The following HOXB3 variants were observed in gnomAD, a reference collection of about 807,000 sequenced individuals.
HOXB3 encodes the protein homeobox B3, also known as homeobox protein Hox-B3.
A neutral mutation model predicts 29.2 loss-of-function variants in HOXB3; 17 were observed. The observed-to-expected ratio is 0.58, with a 90% CI of 0.40 to 0.87. The LOEUF is 0.87. Among genes scored for constraint, HOXB3 ranks in the 40% least tolerant of loss-of-function variants. HOXB3 has a pLI of 0.00. For synonymous variants in HOXB3, 317 were observed against 285.9 expected (o/e 1.11, Z -1.10); for missense variants, 637 against 616.3 (o/e 1.03, Z -0.35).
chr17:48,566,516 G>A (rs1208773724), intron 2 of HOXB3, among the ~76,000 whole-genome samples: 3 of 152,000 alleles, frequency 2.0e-5, no homozygotes, highest in African/African-American at 4.8e-5. Flanking sequence ...CACGTCACAG[G>A]CAAAGGTAGC....
chr17:48,551,291 G>A, intron 4 of HOXB3, 110 bp from the exon 5 acceptor site: 2 of 1,189,642 alleles, frequency 1.7e-6, no homozygotes, highest in Non-Finnish European at 1.1e-6. Flanking sequence ...CCTGGACTCA[G>A]AGCCCCCGCC....
At chr17:48,570,191 T>A (rs1032451077) in intron 2 of HOXB3, among the ~76,000 whole-genome samples, 2 of 152,190 alleles carry the variant, frequency 1.3e-5, no homozygotes, top group South Asian at 4.1e-4. Flanking sequence ...GGGAAAAAGA[T>A]GGGGGATGGC....
At position 48,573,927 on chromosome 17, in the gene HOXB3, C is replaced by A. The variant is rs1310482402; in HGVS notation, c.-337G>T. On this transcript the variant is annotated 5_prime_UTR_variant, in exon 2 of 5. Transcript: ENST00000498678. ...CAAACTGAGAGAAAAAAGTTTTCAA[C>A]TTTATGGTTCCAAATTTTTTCCCCC... 1.4e-6 allele frequency: 1 copy of A among 696,542 alleles called. No homozygotes were observed. The highest frequency in any genetic ancestry group is 2.1e-5 in the Admixed American group (1 of 48,436). 43.1% of individuals were successfully genotyped at this position (696,542 alleles called of 1,614,324 possible).
intron 2 of HOXB3, chr17:48,560,438 C>T (rs1305767557): frequency 2.0e-5 from 3 of 151,818 alleles, no homozygotes; most frequent in Admixed American, 2.0e-4. Context: ...TGGGGCTAGG[C>T]TTTAGGAAGT....
At chr17:48,557,110 G>T (rs1224829950) in intron 2 of HOXB3, among the ~76,000 whole-genome samples, 1 of 152,212 alleles carries the variant, frequency 6.6e-6, no homozygotes, top group East Asian at 1.9e-4. Context: ...ATTCCGGGAG[G>T]AAGGAAAAGA....
intron 2 of HOXB3, among the ~76,000 whole-genome samples, chr17:48,565,286 G>A (rs1013727075): frequency 4.6e-5 from 7 of 152,256 alleles, no homozygotes; most frequent in Middle Eastern, 6.8e-3. Flanking sequence ...CCATTCCCTG[G>A]CACTTCAGCT....
chr17:48,578,033 G>A, intron 1 of HOXB3: 3 of 1,246,598 alleles, frequency 2.4e-6, no homozygotes, highest in South Asian at 7.7e-5. Context: ...GGCGGGTGGC[G>A]GCGCAGGAGC....
At chr17:48,567,694 C>CA (rs2144837090) in intron 2 of HOXB3, among the ~76,000 whole-genome samples, 1 of 152,336 alleles carries the variant, frequency 6.6e-6, no homozygotes, top group Admixed American at 6.5e-5. Flanking sequence ...CAACATCCTC[C>CA]AACACTCCCA....
chr17:48,576,207 G>C (rs1382354596), intron 1 of HOXB3: 3 of 153,336 alleles, frequency 2.0e-5, no homozygotes, highest in Admixed American at 1.3e-4. Flanking sequence ...AGGAAATCCA[G>C]GCTGTCTTCC....
At position 48,578,045 on chromosome 17, in the gene HOXB3, C is replaced by G. The variant is rs1254723779; in HGVS notation, c.-424-4031G>C. 34 of 927,172 alleles carry G rather than the reference C, an allele frequency of 3.7e-5. No homozygotes were observed. In the East Asian group the frequency reaches 3.0e-3, roughly 81 times the overall value. The allele number at this position is 927,172 out of a possible 1,614,324, so 57.4% of individuals were successfully genotyped here. A position where few individuals can be genotyped will look rare whatever the true frequency, so the allele number is the denominator to read the frequency against. ...CCCGGCGGGTGGCGGCGCAGGAGCC[C>G]GAGGGGACAGACCGGGCGGTGGCGG... On this transcript the variant is annotated intron_variant, in intron 1 of 4. Transcript: ENST00000498678.
chr17:48,577,110 C>T, intron 1 of HOXB3: 1 of 1,248,962 alleles, frequency 8.0e-7, no homozygotes, highest in South Asian at 1.5e-5. Flanking sequence ...GCGTTTCCCT[C>T]CCTCCCTCTC....
chr17:48,565,668 T>A (rs1246092775), intron 2 of HOXB3, among the ~76,000 whole-genome samples: 2 of 152,248 alleles, frequency 1.3e-5, no homozygotes, highest in Admixed American at 6.5e-5. Flanking sequence ...TTCCCTTTCC[T>A]CTGTGGGGGA....
intron 2 of HOXB3, 63 bp from the exon 3 acceptor site, chr17:48,555,681 C>T (rs919476044): frequency 9.2e-5 from 64 of 694,080 alleles, no homozygotes; most frequent in Non-Finnish European, 1.6e-4. Context: ...CCCCCCGCCC[C>T]CGCCCCGCAA....
chr17:48,580,642 G>A (rs981033838), intron 1 of HOXB3: 5 of 152,220 alleles, frequency 3.3e-5, no homozygotes, highest in Admixed American at 1.3e-4. Context: ...GAAGGGCAAT[G>A]AGGAACCATA....
At chr17:48,587,246 C>T (rs2740752) in intron 1 of HOXB3, among the ~76,000 whole-genome samples, 123,562 of 152,056 alleles carry the variant, frequency 0.81, 50,624 homozygotes, top group Non-Finnish European at 0.86. Context: ...CAAACAGCTC[C>T]GTTTCCAGGC....
chr17:48,576,639 G>A (rs2053447509), intron 1 of HOXB3: 2 of 1,147,406 alleles, frequency 1.7e-6, no homozygotes, highest in African/African-American at 3.3e-5. Context: ...AGGCCCCAGG[G>A]CCCCCTCCTG....
intron 1 of HOXB3, among the ~76,000 whole-genome samples, chr17:48,577,619 G>A (rs1271162447): frequency 6.6e-6 from 1 of 152,228 alleles, no homozygotes. Context: ...AAAGTCGCTG[G>A]TGAGAATGGT....
chr17:48,550,811 G>A lies in HOXB3; in HGVS notation c.819C>T (p.Ala273=), dbSNP rs149347321. 66 of 1,613,380 alleles carry A rather than the reference G, an allele frequency of 4.1e-5. 1 individual carries two copies. The African/African-American group carries it at 8.3e-4, about 20-fold the overall frequency. The stretch of plus-strand genomic sequence containing the variant: ...TGGAGTGTAAGGCGTTCATGAAGCC[G>A]GCCGTGGACTGCATGGGCTGCGGGG... ...GSPPQPMQST[A]GFMNALHSMT... The change falls in exon 5 of 5, where the codon GCC becomes GCT. Residue 273 remains alanine (A), a synonymous_variant. Transcript: ENST00000498678.
At chr17:48,553,826 T>C (rs1260346959) in intron 3 of HOXB3, 2 of 152,190 alleles carry the variant, frequency 1.3e-5, no homozygotes, top group African/African-American at 4.8e-5. Flanking sequence ...TTTCCCTCCA[T>C]CTCTCCCAAC....
Sources: allele counts gnomAD v4.1 joint callset (sites outside exome capture counted in the v4.1 genomes callset), GRCh38; gene constraint gnomAD v4.1.1; transcripts MANE v1.5; gene names NCBI Gene and HGNC (gene_info 2026-07-23, HGNC 2026-07-21).